DNAH7: variants seen among roughly 807,000 people sequenced by gnomAD.
DNAH7 encodes axonemal beta dynein heavy chain 7.
DNAH7 carries 397 observed loss-of-function variants against 444.6 expected under a neutral mutation model. The observed-to-expected ratio is 0.89, with a 90% CI of 0.82 to 0.97. The LOEUF is 0.97. DNAH7 is among the 50% of genes least tolerant of loss of function. DNAH7 has a pLI of 0.00. For missense variants in DNAH7, 4,902 were observed against 4,800.8 expected, an observed-to-expected ratio of 1.02 and a Z score of -0.62; for synonymous variants, 1,636 against 1,624.4, an observed-to-expected ratio of 1.01 and a Z score of -0.17.
chr2:195,891,942 T>C lies in DNAH7; in HGVS notation c.4897-138A>G, dbSNP rs536187740. 4.3e-4 allele frequency: 245 copies of C among 575,610 alleles called. 2 individuals carry two copies. Among genetic ancestry groups the C allele is most frequent in the African/African-American group, 4.3e-3 (222 of 52,230 alleles). 35.7% of individuals were successfully genotyped at this position (575,610 alleles called of 1,614,324 possible). On this transcript the variant is annotated intron_variant, in intron 30 of 64. Coordinates refer to ENST00000312428, the MANE Select transcript of DNAH7 (RefSeq NM_018897.3). ...TAGTGAATTTGACAAGGTCCCAGCA[T>C]ACAAGGTCAATATATAAAATCAATT...
Position 195,816,644 on chromosome 2 carries a change from C to T in DNAH7, c.9745G>A (p.Glu3249Lys), listed in dbSNP as rs1410441318. ...TTTACATACCTTTTTGCCAAAATTTCTGATTTCTCTGAATTTTCAATAGAC... is the reference window on the plus strand; with the variant it reads ...TTTACATACCTTTTTGCCAAAATTTTTGATTTCTCTGAATTTTCAATAGAC... ...ILSIENSEKS[E>K]ILAKRLQILK... Residue 3249 changes from glutamate to lysine, a missense_variant, in exon 51 of 65, where the codon GAA becomes AAA. Coordinates refer to ENST00000312428, the MANE Select transcript of DNAH7 (RefSeq NM_018897.3). The T allele has an allele frequency of 3.1e-6, 5 of 1,609,378 alleles. No homozygotes were observed. Among genetic ancestry groups the T allele is most frequent in the Admixed American group, 3.4e-5 (2 of 59,068 alleles).
At chr2:195,980,704 A>C (rs1025746337) in intron 15 of DNAH7, among the ~76,000 whole-genome samples, 7 of 152,200 alleles carry the variant, frequency 4.6e-5, no homozygotes. Flanking sequence ...ATGATCCAAC[A>C]TATGCAAATT....
chr2:195,910,211 T>C lies in DNAH7; in HGVS notation c.3936-16A>G. The C allele has an allele frequency of 1.3e-6, 2 of 1,565,630 alleles. No individual in the cohort carries two copies. Among genetic ancestry groups the C allele is most frequent in the Non-Finnish European group, 1.7e-6 (2 of 1,156,144 alleles). On this transcript the variant is annotated splice_polypyrimidine_tract_variant and intron_variant, in intron 24 of 64. Coordinates refer to ENST00000312428, the MANE Select transcript of DNAH7 (RefSeq NM_018897.3). Reference sequence around the variant, plus strand: ...AAATAAGGTTCTGAAACATATGAAATAGACATTCTTTGTAGAATAATGTGA... The same window carrying C: ...AAATAAGGTTCTGAAACATATGAAACAGACATTCTTTGTAGAATAATGTGA...
At chr2:196,058,164 A>T (rs776721924) in intron 1 of DNAH7, 48 bp from the exon 2 acceptor site, 7 of 1,487,184 alleles carry the variant, frequency 4.7e-6, no homozygotes, top group Non-Finnish European at 6.3e-6. Flanking sequence ...CGTTAATGCT[A>T]AAATTGATTC....
intron 19 of DNAH7, among the ~76,000 whole-genome samples, chr2:195,948,352 T>A (rs1476999538): frequency 4.6e-5 from 7 of 152,284 alleles, no homozygotes; most frequent in East Asian, 1.9e-4. Context: ...TGTTTTAGTC[T>A]TGAAGGCTTT....
chr2:196,068,193 T>C (rs1043958749), intron 1 of DNAH7, among the ~76,000 whole-genome samples: 3 of 152,234 alleles, frequency 2.0e-5, no homozygotes, highest in African/African-American at 7.2e-5. Context: ...AGTTATGGTA[T>C]GGCATGGTAT....
intron 19 of DNAH7, among the ~76,000 whole-genome samples, chr2:195,949,429 A>G (rs1299979836): frequency 1.3e-5 from 2 of 152,042 alleles, no homozygotes; most frequent in Non-Finnish European, 2.9e-5. Flanking sequence ...GACTACAGTC[A>G]CACACCACTA....
intron 5 of DNAH7, among the ~76,000 whole-genome samples, chr2:196,032,961 A>C (rs1293627197): frequency 6.6e-6 from 1 of 152,244 alleles, no homozygotes; most frequent in Admixed American, 6.5e-5. Flanking sequence ...TATAAAAAGC[A>C]ACTAATGTAA....
At chr2:195,957,947 T>C (rs1159637842) in intron 18 of DNAH7, among the ~76,000 whole-genome samples, 1 of 152,166 alleles carries the variant, frequency 6.6e-6, no homozygotes, top group Non-Finnish European at 1.5e-5. Flanking sequence ...TCTGAGCTTC[T>C]GAGGAAAGAT....
intron 17 of DNAH7, among the ~76,000 whole-genome samples, chr2:195,964,325 AT>A (rs1691315866): frequency 6.6e-6 from 1 of 152,104 alleles, no homozygotes; most frequent in Non-Finnish European, 1.5e-5. Flanking sequence ...TTTCATCAAT[AT>A]TTTATACTTT....
intron 22 of DNAH7, among the ~76,000 whole-genome samples, chr2:195,925,892 C>T: frequency 6.6e-6 from 1 of 151,348 alleles, no homozygotes; most frequent in East Asian, 2.1e-4. Context: ...CAATTACAAT[C>T]TAATTAATAT....
chr2:195,828,125 A>T (rs1028359764), intron 48 of DNAH7, among the ~76,000 whole-genome samples: 1 of 152,204 alleles, frequency 6.6e-6, no homozygotes, highest in African/African-American at 2.4e-5. Flanking sequence ...CTTGGAGATA[A>T]GAACTGTTTA....
chr2:195,744,580 A>C (rs1455403085), intron 63 of DNAH7, among the ~76,000 whole-genome samples: 1 of 152,140 alleles, frequency 6.6e-6, no homozygotes, highest in East Asian at 1.9e-4. Context: ...CTCACCCCCG[A>C]GCAGCCTAAC....
At chr2:196,050,503 ATATTT>A (rs1268623752) in intron 3 of DNAH7, among the ~76,000 whole-genome samples, 1 of 152,174 alleles carries the variant, frequency 6.6e-6, no homozygotes, top group Non-Finnish European at 1.5e-5. Context: ...TATGTTATGT[ATATTT>A]TATCAATTTT....
chr2:196,055,182 C>G (rs1697728701), intron 2 of DNAH7, among the ~76,000 whole-genome samples: 1 of 151,984 alleles, frequency 6.6e-6, no homozygotes, highest in South Asian at 2.1e-4. Flanking sequence ...ATGGTGAAAC[C>G]CTGTCTCTAC....
At chr2:195,943,333 A>C (rs551137216) in intron 19 of DNAH7, among the ~76,000 whole-genome samples, 67 of 152,238 alleles carry the variant, frequency 4.4e-4, no homozygotes, top group Non-Finnish European at 8.4e-4. Context: ...ACTATTACCG[A>C]TGTCAGTCAA....
rs565986038 is a variant in DNAH7, at chr2:195,930,336, G to A, written c.3472-3770C>T. Among the ~76,000 whole-genome samples the A allele has an allele frequency of 9.1e-4, 137 of 151,282 alleles. 1 individual carries two copies. Among genetic ancestry groups the A allele is most frequent in the African/African-American group, 3.2e-3 (133 of 41,188 alleles). Reference sequence around the variant, plus strand: ...CAGCCTGGTGACAGAGCGAGACACCGCCTCAAAAAAAGAAAAGAAAATGAG... The same window carrying A: ...CAGCCTGGTGACAGAGCGAGACACCACCTCAAAAAAAGAAAAGAAAATGAG... On this transcript the variant is annotated intron_variant, in intron 21 of 64. Transcript: ENST00000312428.
rs68056425 is a variant in DNAH7, at chr2:195,938,344, TCACACACACACA to T, written c.3079-1564_3079-1553del. Among the ~76,000 whole-genome samples the T allele has an allele frequency of 1.1e-3, 145 of 134,174 alleles. 2 individuals are homozygous for T. The highest frequency in any genetic ancestry group is 1.7e-3 in the Non-Finnish European group (99 of 59,858). 88.0% of individuals were successfully genotyped at this position (134,174 alleles called of 152,430 possible). ...CTTGTTTTATGTTTCAAATAGACAT[TCACACACACACA>T]CACACACACACACACACACACACAC... is the stretch of plus-strand genomic sequence containing the variant. On this transcript the variant is annotated intron_variant, in intron 19 of 64. Transcript: ENST00000312428.
At chr2:196,032,174 T>C (rs978755299) in intron 5 of DNAH7, among the ~76,000 whole-genome samples, 3 of 152,126 alleles carry the variant, frequency 2.0e-5, no homozygotes, top group Non-Finnish European at 2.9e-5. Context: ...TTTCCCCTTA[T>C]CAAACCATCA....
Sources: allele counts gnomAD v4.1 joint callset (sites outside exome capture counted in the v4.1 genomes callset), GRCh38; gene constraint gnomAD v4.1.1; transcripts MANE v1.5; gene names NCBI Gene and HGNC (gene_info 2026-07-23, HGNC 2026-07-21).